The following MYDGF variants were observed in gnomAD, a reference collection of about 807,000 sequenced individuals.
The protein encoded by MYDGF is myeloid derived growth factor.
MYDGF carries 29 observed loss-of-function variants against 24.2 expected under a neutral mutation model. That is an observed-to-expected ratio of 1.20 (90% CI 0.89 to 1.63). The LOEUF (loss-of-function observed/expected upper bound fraction) is 1.63. MYDGF is among the 40% of genes most tolerant of loss of function. The pLI, the probability that MYDGF is intolerant of heterozygous loss-of-function variation, is 0.00. For synonymous variants in MYDGF, 105 were observed against 102.5 expected, an observed-to-expected ratio of 1.02 and a Z score of -0.15; for missense variants, 245 against 234.8, an observed-to-expected ratio of 1.04 and a Z score of -0.29.
At chr19:4,662,138 C>T (rs143871861) in intron 3 of MYDGF, among the ~76,000 whole-genome samples, 1 of 152,164 alleles carries the variant, frequency 6.6e-6, no homozygotes, top group Non-Finnish European at 1.5e-5. Context: ...CCCAGAAACA[C>T]CTGCTGTTTG....
chr19:4,670,296 C>T lies in MYDGF; in HGVS notation c.39G>A (p.Ala13=), dbSNP rs764328225. 2 of 1,507,394 alleles carry T rather than the reference C, an allele frequency of 1.3e-6. No homozygotes were observed. The highest frequency in any genetic ancestry group is 8.9e-7 in the Non-Finnish European group (1 of 1,127,760). The allele number at this position is 1,507,394 out of a possible 1,614,324, so 93.4% of individuals were successfully genotyped here. Residue 13 remains alanine (A), a synonymous_variant, in exon 1 of 6, where the codon GCG becomes GCA. Transcript: ENST00000262947. ...APSGGWNGVG[A]SLWAALLLGA... The stretch of plus-strand genomic sequence containing the variant: ...CTAGGAGCAGCGCGGCCCACAAGCT[C>T]GCGCCGACGCCGTTCCACCCTCCGC...
At chr19:4,660,468 C>T in intron 4 of MYDGF, 1 of 565,154 alleles carries the variant, frequency 1.8e-6, no homozygotes, top group East Asian at 3.0e-5. Flanking sequence ...AAGCCAGCAG[C>T]AACAGGTTAC....
intron 3 of MYDGF, among the ~76,000 whole-genome samples, chr19:4,662,510 G>T (rs1228914957): frequency 1.3e-5 from 2 of 152,178 alleles, no homozygotes; most frequent in Non-Finnish European, 2.9e-5. Flanking sequence ...GAGAATGAGT[G>T]GGGCGAGTGG....
At chr19:4,658,601 G>A (rs1170627411) in intron 5 of MYDGF, among the ~76,000 whole-genome samples, 3 of 152,024 alleles carry the variant, frequency 2.0e-5, no homozygotes, top group Non-Finnish European at 4.4e-5. Context: ...GCCCCAGCTC[G>A]GCGCCTCCGA....
chr19:4,666,596 T>C (rs866671078), intron 2 of MYDGF, among the ~76,000 whole-genome samples: 10 of 150,972 alleles, frequency 6.6e-5, no homozygotes, highest in Middle Eastern at 3.4e-3. Context: ...TTTAAGAAAA[T>C]GGACCCATGA....
chr19:4,659,939 T>C lies in MYDGF; in HGVS notation c.434A>G (p.Lys145Arg). ...TCCCCATCTTTCCGTACCTGCTGTTTTGGTCACTTCAAATTCCTCAGTTTT... is the reference window on the plus strand; with the variant it reads ...TCCCCATCTTTCCGTACCTGCTGTTCTGGTCACTTCAAATTCCTCAGTTTT... ...PLKTEEFEVT[K>R]TAVAHRPGAF... is the part of the protein sequence containing the mutation. The change falls in exon 5 of 6, where the codon AAA (lysine) becomes AGA (arginine). Residue 145 changes from lysine to arginine, a missense_variant. Transcript: ENST00000262947. The C allele has an allele frequency of 6.2e-7, 1 of 1,613,958 alleles. No homozygotes were observed. Among genetic ancestry groups the C allele is most frequent in the Non-Finnish European group, 8.5e-7 (1 of 1,179,902 alleles).
At chr19:4,660,903 G>GCTGA (rs1367250007) in intron 3 of MYDGF, among the ~76,000 whole-genome samples, 153 bp from the exon 4 acceptor site, 1 of 151,766 alleles carries the variant, frequency 6.6e-6, no homozygotes, top group Non-Finnish European at 1.5e-5. Context: ...ACGAGCACCT[G>GCTGA]CTGACTGGGA....
chr19:4,667,383 C>A (rs566930372), intron 2 of MYDGF, among the ~76,000 whole-genome samples: 12 of 152,244 alleles, frequency 7.9e-5, no homozygotes, highest in Admixed American at 6.5e-4. Context: ...CCGCCTCGGC[C>A]TCCCAAAGTG....
At chr19:4,664,829 G>C in intron 3 of MYDGF, 47 bp downstream of exon 3, 1 of 1,602,010 alleles carries the variant, frequency 6.2e-7, no homozygotes, top group Non-Finnish European at 8.5e-7. Context: ...GAGGCCACAG[G>C]GCAGGCCAAC....
intron 3 of MYDGF, 82 bp from the exon 4 acceptor site, chr19:4,660,832 G>GC: frequency 8.2e-7 from 1 of 1,224,180 alleles, no homozygotes; most frequent in Non-Finnish European, 1.2e-6. Context: ...CCCCGCCAGG[G>GC]ACTCGGGCTG....
At chr19:4,664,176 G>A (rs1223876537) in intron 3 of MYDGF, among the ~76,000 whole-genome samples, 1 of 152,036 alleles carries the variant, frequency 6.6e-6, no homozygotes, top group African/African-American at 2.4e-5. Context: ...TGCTGGGAAG[G>A]AGAATGACTC....
intron 2 of MYDGF, 45 bp from the exon 3 acceptor site, chr19:4,664,982 C>G (rs1256386309): frequency 6.3e-7 from 1 of 1,592,622 alleles, no homozygotes; most frequent in South Asian, 1.1e-5. Flanking sequence ...CACACAGCTG[C>G]TCTCGGAGAC....
chr19:4,661,962 G>A (rs551616089), intron 3 of MYDGF, among the ~76,000 whole-genome samples: 1 of 152,270 alleles, frequency 6.6e-6, no homozygotes, highest in South Asian at 2.1e-4. Context: ...GCAGTGGCCT[G>A]CAGACAGACG....
chr19:4,659,460 G>C (rs963589104), intron 5 of MYDGF, among the ~76,000 whole-genome samples: 2 of 151,650 alleles, frequency 1.3e-5, no homozygotes, highest in African/African-American at 2.4e-5. Context: ...CTGACCTCAA[G>C]TGTTCCGCCC....
intron 3 of MYDGF, among the ~76,000 whole-genome samples, chr19:4,662,361 A>C (rs1218479249): frequency 6.6e-6 from 1 of 152,208 alleles, no homozygotes; most frequent in Non-Finnish European, 1.5e-5. Flanking sequence ...GTTTGGGCTG[A>C]GACATTCTGG....
chr19:4,663,133 C>T (rs534502811), intron 3 of MYDGF, among the ~76,000 whole-genome samples: 3 of 148,718 alleles, frequency 2.0e-5, no homozygotes, highest in South Asian at 2.2e-4. Context: ...CCTCATTCTA[C>T]AGCCTCCAAT....
chr19:4,660,170 G>A (rs2088458975), intron 4 of MYDGF, among the ~76,000 whole-genome samples, 167 bp from the exon 5 acceptor site: 1 of 152,174 alleles, frequency 6.6e-6, no homozygotes, highest in Non-Finnish European at 1.5e-5. Context: ...CTACTGTCCA[G>A]GCTGGAATGC....
intron 5 of MYDGF, chr19:4,659,706 T>TA: frequency 1.7e-6 from 1 of 588,958 alleles, no homozygotes; most frequent in Non-Finnish European, 3.0e-6. Context: ...CGCATGGACA[T>TA]ACTGTCTGCA....
chr19:4,667,977 G>C (rs530857832), intron 2 of MYDGF, among the ~76,000 whole-genome samples: 1 of 152,228 alleles, frequency 6.6e-6, no homozygotes, highest in Non-Finnish European at 1.5e-5. Context: ...GCCCAGGCTG[G>C]AGTGCAGTGG....
Sources: gnomAD v4.1 joint callset for allele counts (sites outside exome capture counted in the v4.1 genomes callset) on GRCh38, gnomAD v4.1.1 for gene constraint, MANE v1.5 for transcripts, NCBI Gene and HGNC (gene_info 2026-07-23, HGNC 2026-07-21) for gene names.